XPR1: variants seen among roughly 807,000 people sequenced by gnomAD.
XPR1 encodes xenotropic and polytropic retrovirus receptor 1.
Under a neutral mutation model 87.5 loss-of-function variants are expected in XPR1, and 28 were observed. The observed-to-expected ratio is 0.32, with a 90% CI of 0.24 to 0.44. The LOEUF is 0.44. XPR1 is among the 20% of genes least tolerant of loss of function. XPR1 has a pLI of 1.00. For synonymous variants in XPR1, 300 were observed against 306.1 expected (o/e 0.98, Z 0.21); for missense variants, 559 against 862.3 (o/e 0.65, Z 4.41).
At chr1:180,878,809 A>G (rs983669597) in intron 13 of XPR1, among the ~76,000 whole-genome samples, 1 of 152,182 alleles carries the variant, frequency 6.6e-6, no homozygotes, top group African/African-American at 2.4e-5. Context: ...CTCCTGTCTC[A>G]CTAGCTATTC....
chr1:180,776,217 T>G (rs10753224), intron 2 of XPR1, among the ~76,000 whole-genome samples: 52,551 of 151,884 alleles, frequency 0.35, 9,510 homozygotes, highest in Non-Finnish European at 0.39. Flanking sequence ...CCATGTGGCT[T>G]TTGGAAAATA....
chr1:180,874,188 C>T (rs781656158), intron 13 of XPR1: 6 of 382,388 alleles, frequency 1.6e-5, no homozygotes, highest in South Asian at 5.4e-5. Flanking sequence ...AGCTACTGTG[C>T]CCGGCCCAGA....
intron 1 of XPR1, among the ~76,000 whole-genome samples, chr1:180,652,080 T>C (rs532256676): frequency 1.2e-4 from 18 of 152,182 alleles, no homozygotes; most frequent in Middle Eastern, 3.4e-3. Context: ...TCACATGAGG[T>C]CCGGAGTTTG....
chr1:180,701,977 A>G (rs1571741265), intron 2 of XPR1, among the ~76,000 whole-genome samples: 1 of 97,692 alleles, frequency 1.0e-5, no homozygotes, highest in East Asian at 2.5e-4. Flanking sequence ...GCCTTCTGCT[A>G]GCTTTTGAAT....
chr1:180,806,993 A>G (rs1650015738), intron 6 of XPR1, among the ~76,000 whole-genome samples: 1 of 152,200 alleles, frequency 6.6e-6, no homozygotes, highest in Non-Finnish European at 1.5e-5. Flanking sequence ...AGAAGGATTT[A>G]AGTCATGCAA....
intron 2 of XPR1, among the ~76,000 whole-genome samples, chr1:180,725,782 T>A (rs1382005933): frequency 1.3e-5 from 2 of 152,202 alleles, no homozygotes; most frequent in Middle Eastern, 3.2e-3. Context: ...GCAAAGTAGC[T>A]CCAAGTGTGG....
At chr1:180,639,715 T>A (rs899054370) in intron 1 of XPR1, among the ~76,000 whole-genome samples, 4 of 152,216 alleles carry the variant, frequency 2.6e-5, no homozygotes, top group African/African-American at 9.6e-5. Flanking sequence ...TCAAACTTTT[T>A]GGTTTCAGGA....
intron 3 of XPR1, among the ~76,000 whole-genome samples, chr1:180,801,143 T>C (rs1293531559): frequency 1.3e-5 from 2 of 152,240 alleles, no homozygotes; most frequent in Non-Finnish European, 2.9e-5. Flanking sequence ...CTGGCCTTTC[T>C]GTTCCAAGGA....
chr1:180,668,612 C>T (rs932864768), intron 1 of XPR1, among the ~76,000 whole-genome samples: 5 of 152,138 alleles, frequency 3.3e-5, no homozygotes, highest in African/African-American at 1.2e-4. Context: ...TTTTTATTTT[C>T]ATTCCTCTCT....
intron 2 of XPR1, among the ~76,000 whole-genome samples, chr1:180,733,960 A>G (rs987015247): frequency 1.3e-5 from 2 of 152,176 alleles, no homozygotes; most frequent in South Asian, 2.1e-4. Context: ...TTTCGTAACA[A>G]TCCTTTGAGG....
chr1:180,683,081 C>T (rs939649247), intron 2 of XPR1, among the ~76,000 whole-genome samples: 3 of 151,784 alleles, frequency 2.0e-5, no homozygotes, highest in African/African-American at 2.4e-5. Flanking sequence ...ATTAACTCGT[C>T]GTTTAGCATT....
At chr1:180,860,609 A>G (rs992797304) in intron 11 of XPR1, among the ~76,000 whole-genome samples, 28 of 152,138 alleles carry the variant, frequency 1.8e-4, no homozygotes, top group Non-Finnish European at 1.9e-4. Context: ...TCAAAATGCT[A>G]TATACTAAGT....
intron 2 of XPR1, among the ~76,000 whole-genome samples, chr1:180,715,739 C>T (rs1034555520): frequency 2.6e-5 from 4 of 151,584 alleles, no homozygotes; most frequent in Non-Finnish European, 5.9e-5. Flanking sequence ...TGCAATGGTG[C>T]GATCTTGGCT....
Position 180,889,749 on chromosome 1 carries a change from G to T in XPR1, c.*5683G>T, listed in dbSNP as rs554720500. ...AGAGTATTTAGGAGGGGAATAGGGG[G>T]AAAATTGTATTTTTCTGTTCAAACT... On this transcript the variant is annotated 3_prime_UTR_variant, in exon 15 of 15. Coordinates refer to ENST00000367590, the MANE Select transcript of XPR1 (RefSeq NM_004736.4). The T allele has an allele frequency of 2.0e-5, 3 of 152,166 alleles. No individual in the cohort carries two copies. Among genetic ancestry groups the T allele is most frequent in the Non-Finnish European group, 4.4e-5 (3 of 68,038 alleles). 9.4% of individuals were successfully genotyped at this position (152,166 alleles called of 1,614,324 possible). A position where few individuals can be genotyped will look rare whatever the true frequency, so the allele number is the denominator to read the frequency against.
At chr1:180,741,636 G>A (rs756392969) in intron 2 of XPR1, among the ~76,000 whole-genome samples, 11 of 151,822 alleles carry the variant, frequency 7.2e-5, no homozygotes, top group Non-Finnish European at 5.9e-5. Context: ...ACAGGTATGC[G>A]CCACCATGCC....
intron 1 of XPR1, among the ~76,000 whole-genome samples, chr1:180,644,147 G>T (rs563870240): frequency 6.6e-6 from 1 of 152,128 alleles, no homozygotes. Context: ...GCTAAAATAC[G>T]TTTTTCCTGT....
intron 11 of XPR1, among the ~76,000 whole-genome samples, chr1:180,860,169 A>C (rs1039410890): frequency 6.6e-6 from 1 of 152,156 alleles, no homozygotes; most frequent in African/African-American, 2.4e-5. Flanking sequence ...AGATACTACA[A>C]AATGTCTATT....
rs563369932 is a variant in XPR1 at position 180,685,415 on chromosome 1, G to T, written c.121+3004G>T. On this transcript the variant is annotated intron_variant, in intron 2 of 14. Transcript: ENST00000367590. The stretch of plus-strand genomic sequence containing the variant: ...GTATTTTATTGAGGATTTTTGCATC[G>T]ATGTTCATGAAGGATATTGGTCTAA... Among the ~76,000 whole-genome samples, 606 of 152,166 alleles carry T rather than the reference G, an allele frequency of 4.0e-3. 2 individuals carry two copies. Among genetic ancestry groups the T allele is most frequent in the Admixed American group, 7.5e-3 (114 of 15,266 alleles).
intron 2 of XPR1, among the ~76,000 whole-genome samples, chr1:180,708,113 C>T (rs756612578): frequency 3.9e-4 from 60 of 152,110 alleles, no homozygotes; most frequent in Non-Finnish European, 5.3e-4. Context: ...TAATTAGCTG[C>T]GTGATACTGT....
Sources: gnomAD v4.1 joint callset for allele counts (sites outside exome capture counted in the v4.1 genomes callset) on GRCh38, gnomAD v4.1.1 for gene constraint, MANE v1.5 for transcripts, NCBI Gene and HGNC (gene_info 2026-07-23, HGNC 2026-07-21) for gene names.